ZEB1: variants seen among roughly 807,000 people sequenced by gnomAD.
ZEB1 encodes the protein zinc finger E-box binding homeobox 1, also known as zinc finger E-box-binding homeobox 1.
In ZEB1, 21 loss-of-function variants were observed where a neutral mutation model predicts 84.9. The observed-to-expected ratio is 0.25, with a 90% CI of 0.18 to 0.36. The LOEUF (loss-of-function observed/expected upper bound fraction) is 0.36. Among genes scored for constraint, ZEB1 ranks in the 10% least tolerant of loss-of-function variants. ZEB1 has a pLI of 1.00. For synonymous variants in ZEB1, 420 were observed against 471.1 expected (o/e 0.89, Z 1.41); for missense variants, 1,104 against 1,330.2 (o/e 0.83, Z 2.65).
chr10:31,384,778 T>C (rs1298207884), intron 1 of ZEB1, among the ~76,000 whole-genome samples: 1 of 152,184 alleles, frequency 6.6e-6, no homozygotes, highest in Non-Finnish European at 1.5e-5. Context: ...TGAGTAAGTT[T>C]CTAGTCAGTT....
At chr10:31,469,491 T>TGC in intron 2 of ZEB1, among the ~76,000 whole-genome samples, 1 of 152,248 alleles carries the variant, frequency 6.6e-6, no homozygotes, top group East Asian at 1.9e-4. Flanking sequence ...ACCCGAATAT[T>TGC]GCGCTTTTCT....
rs1025221879 is a variant in ZEB1 at position 31,427,084 on chromosome 10, T to TA, written c.59-33943dup. Among the ~76,000 whole-genome samples, 187 of 148,448 alleles carry TA rather than the reference T, an allele frequency of 1.3e-3. 2 individuals are homozygous for TA. Among genetic ancestry groups the TA allele is most frequent in the African/African-American group, 3.5e-3 (142 of 40,512 alleles). ...TCTTTACAAGATATCAAAATATGTT[T>TA]AAAAAAAAAACCCGGATGCATATAG... On this transcript the variant is annotated intron_variant, in intron 1 of 8. Transcript: ENST00000424869.
chr10:31,329,637 A>G (rs530657756), intron 1 of ZEB1, among the ~76,000 whole-genome samples: 1 of 152,184 alleles, frequency 6.6e-6, no homozygotes, highest in Non-Finnish European at 1.5e-5. Context: ...CAAAATTGCA[A>G]ACTGCTTGTA....
intron 1 of ZEB1, among the ~76,000 whole-genome samples, chr10:31,354,289 T>G (rs1244505755): frequency 6.6e-6 from 1 of 152,164 alleles, no homozygotes; most frequent in Non-Finnish European, 1.5e-5. Flanking sequence ...TTTTTTGTAC[T>G]TAGCACAAAG....
chr10:31,359,022 T>A (rs903292488), intron 1 of ZEB1, among the ~76,000 whole-genome samples: 30 of 151,976 alleles, frequency 2.0e-4, no homozygotes, highest in African/African-American at 7.0e-4. Flanking sequence ...GGTCTTCTTG[T>A]GTCGTTTTGC....
chr10:31,442,284 C>G (rs1236465783), intron 1 of ZEB1, among the ~76,000 whole-genome samples: 1 of 152,086 alleles, frequency 6.6e-6, no homozygotes, highest in East Asian at 1.9e-4. Flanking sequence ...TGGAAACCAT[C>G]ATTCTCAGCA....
intron 1 of ZEB1, chr10:31,319,956 G>T: frequency 6.7e-6 from 1 of 148,836 alleles, no homozygotes; most frequent in South Asian, 1.8e-4. Context: ...GCGTGTGCGC[G>T]GGCGCCGGCT....
intron 1 of ZEB1, among the ~76,000 whole-genome samples, chr10:31,424,500 A>G (rs939452777): frequency 3.3e-5 from 5 of 151,990 alleles, no homozygotes; most frequent in African/African-American, 4.8e-5. Flanking sequence ...TATATTGAAT[A>G]TTTGAGTAAT....
At chr10:31,383,251 G>A (rs1319408714) in intron 1 of ZEB1, among the ~76,000 whole-genome samples, 1 of 152,050 alleles carries the variant, frequency 6.6e-6, no homozygotes, top group Non-Finnish European at 1.5e-5. Flanking sequence ...CCAATATGTA[G>A]CCATTTGGCA....
intron 1 of ZEB1, among the ~76,000 whole-genome samples, chr10:31,434,997 T>C (rs991048862): frequency 6.6e-6 from 1 of 152,162 alleles, no homozygotes; most frequent in East Asian, 1.9e-4. Context: ...TATGTCCATG[T>C]CCTAATCCCT....
chr10:31,438,150 T>C (rs1215615279), intron 1 of ZEB1, among the ~76,000 whole-genome samples: 2 of 152,206 alleles, frequency 1.3e-5, no homozygotes, highest in East Asian at 3.8e-4. Context: ...GAGGCCTCCC[T>C]CCTGGCGTCT....
chr10:31,326,506 A>G (rs917794845), intron 1 of ZEB1, among the ~76,000 whole-genome samples: 1 of 152,198 alleles, frequency 6.6e-6, no homozygotes, highest in Non-Finnish European at 1.5e-5. Context: ...ATGAAGTGGA[A>G]TAATTTTGGA....
chr10:31,375,988 C>T (rs190970745), intron 1 of ZEB1, among the ~76,000 whole-genome samples: 2 of 151,720 alleles, frequency 1.3e-5, no homozygotes, highest in East Asian at 3.9e-4. Context: ...CTCGTAAAAT[C>T]ATCATATTGA....
intron 1 of ZEB1, chr10:31,363,833 C>T (rs930716620): frequency 1.3e-5 from 17 of 1,322,012 alleles, no homozygotes; most frequent in African/African-American, 8.9e-5. Context: ...ATAGGGGCGC[C>T]GTCCCACCTG....
At chr10:31,473,616 T>C (rs566871709) in intron 2 of ZEB1, among the ~76,000 whole-genome samples, 1,767 of 148,780 alleles carry the variant, frequency 0.012, 38 homozygotes, top group African/African-American at 0.042. Flanking sequence ...ATCAATATCG[T>C]GAAAATGGCC....
chr10:31,457,244 A>G (rs564626177), intron 1 of ZEB1, among the ~76,000 whole-genome samples: 1 of 152,274 alleles, frequency 6.6e-6, no homozygotes, highest in South Asian at 2.1e-4. Flanking sequence ...TGAAGCCCTC[A>G]TTGGCTACTA....
chr10:31,365,685 C>T lies in ZEB1; in HGVS notation c.58+46393C>T, dbSNP rs548778331. 1.2e-3 allele frequency among the ~76,000 whole-genome samples: 186 copies of T among 152,130 alleles called. 1 individual carries two copies. Among genetic ancestry groups the T allele is most frequent in the African/African-American group, 4.3e-3 (177 of 41,504 alleles). Reference sequence around the variant, plus strand: ...CTATTTAACAGTCATATGAATCACTCGATTGAGAAGATCCATATGTGTAAT... The same window carrying T: ...CTATTTAACAGTCATATGAATCACTTGATTGAGAAGATCCATATGTGTAAT... On this transcript the variant is annotated intron_variant, in intron 1 of 8. Coordinates refer to ENST00000424869, the MANE Select transcript of ZEB1 (RefSeq NM_001174096.2).
chr10:31,395,948 G>A (rs2050636413), intron 1 of ZEB1, among the ~76,000 whole-genome samples: 1 of 152,142 alleles, frequency 6.6e-6, no homozygotes, highest in South Asian at 2.1e-4. Context: ...TGTCCATGGG[G>A]TGGAGAGGAA....
rs540405261 is a variant in ZEB1, at chr10:31,387,090, C to T, written c.58+67798C>T. ...AAGCTTGATCAAAATAGTTTGATCC[C>T]AGTATAATCTTTTACTCTTCTCTCC... On this transcript the variant is annotated intron_variant, in intron 1 of 8. Coordinates refer to ENST00000424869, the MANE Select transcript of ZEB1 (RefSeq NM_001174096.2). 451 of 985,614 alleles carry T rather than the reference C, an allele frequency of 4.6e-4. 5 individuals are homozygous for T. The South Asian group carries it at 0.019, about 41-fold the overall frequency. 61.1% of individuals were successfully genotyped at this position (985,614 alleles called of 1,614,324 possible).
Sources: gnomAD v4.1 joint callset for allele counts (sites outside exome capture counted in the v4.1 genomes callset) on GRCh38, gnomAD v4.1.1 for gene constraint, MANE v1.5 for transcripts, NCBI Gene and HGNC (gene_info 2026-07-23, HGNC 2026-07-21) for gene names.